SLC3A2: variants seen among roughly 807,000 people sequenced by gnomAD.
SLC3A2 encodes amino acid transporter heavy chain SLC3A2.
SLC3A2 carries 32 observed loss-of-function variants against 48.5 expected under a neutral mutation model. The ratio of observed to expected loss-of-function variants is 0.66; its 90% CI spans 0.50 to 0.89. The LOEUF is 0.89. Ranked by LOEUF, SLC3A2 falls within the 40% of genes least tolerant of loss-of-function variation. SLC3A2 has a pLI of 0.00. For synonymous variants in SLC3A2, 277 were observed against 288.8 expected, an observed-to-expected ratio of 0.96 and a Z score of 0.41; for missense variants, 587 against 680.7, an observed-to-expected ratio of 0.86 and a Z score of 1.53.
rs530651178 is a variant in SLC3A2, at chr11:62,881,905, G to T, written c.437G>T (p.Arg146Leu). 1 of 1,614,044 alleles carries T rather than the reference G, an allele frequency of 6.2e-7. No homozygotes were observed. Among genetic ancestry groups the T allele is most frequent in the East Asian group, 2.2e-5 (1 of 44,868 alleles). ...GAGNLAGLKG[R>L]LDYLSSLKVK... ...GCCCCCATTTCAGGTCTGAAGGGGC[G>T]TCTCGATTACCTGAGCTCTCTGAAG... Residue 146 changes from arginine (R) to leucine (L), a missense_variant, in exon 2 of 9, where the codon CGT (arginine) becomes CTT (leucine). By Grantham distance (102) the Arg-to-Leu change is moderately radical. Transcript: ENST00000338663. The surrounding 1 kb of genome is among the most constrained non-coding windows in gnomAD (Gnocchi z 4.0).
Position 62,881,900 on chromosome 11 carries a change from G to A in SLC3A2, c.432G>A (p.Lys144=). 1.2e-6 allele frequency: 2 copies of A among 1,614,016 alleles called. No individual in the cohort carries two copies. The highest frequency in any genetic ancestry group is 1.7e-6 in the Non-Finnish European group (2 of 1,179,972). The change falls in exon 2 of 9, where the codon AAG becomes AAA. Residue 144 remains lysine (K), a synonymous_variant. Transcript: ENST00000338663. The surrounding 1 kb of genome is among the most constrained non-coding windows in gnomAD (Gnocchi z 4.0). ...GHGAGNLAGL[K]GRLDYLSSLK... is the part of the protein sequence containing the mutation. ...ACCCAGCCCCCATTTCAGGTCTGAA[G>A]GGGCGTCTCGATTACCTGAGCTCTC...
intron 1 of SLC3A2, chr11:62,871,507 TG>T: frequency 2.0e-6 from 1 of 500,664 alleles, no homozygotes; most frequent in South Asian, 2.8e-5. Context: ...CCCAAAGTGC[TG>T]GGATTACAGG....
intron 5 of SLC3A2, 101 bp downstream of exon 5, chr11:62,884,791 T>G (rs551331896): frequency 1.3e-6 from 1 of 762,738 alleles, no homozygotes; most frequent in African/African-American, 1.8e-5. Context: ...GAGCATTTTC[T>G]TTACCTTTAT....
In SLC3A2 at chr11:62,858,641, GT is replaced by G. The variant is rs368935583; in HGVS notation, c.112+2262del. Among the ~76,000 whole-genome samples the G allele has an allele frequency of 3.0e-4, 46 of 152,230 alleles. No homozygotes were observed. The East Asian group carries it at 7.9e-3, about 26-fold the overall frequency. On this transcript the variant is annotated intron_variant, in intron 1 of 9. Transcript: ENST00000377889. Reference sequence around the variant, plus strand: ...AAATAAGGGGACCCGGGGAACCAGCGTTCAGCATATGGAGGATCCCGCCAGC... The same window carrying G: ...AAATAAGGGGACCCGGGGAACCAGCGTCAGCATATGGAGGATCCCGCCAGC...
chr11:62,882,291 G>T, intron 2 of SLC3A2: 1 of 538,876 alleles, frequency 1.9e-6, no homozygotes, highest in Non-Finnish European at 3.3e-6. Flanking sequence ...CTGGGCTTCA[G>T]TGCCCTTATT....
chr11:62,885,659 A>G (rs777756749), intron 7 of SLC3A2, 51 bp downstream of exon 7: 7 of 1,596,404 alleles, frequency 4.4e-6, no homozygotes, highest in Middle Eastern at 1.7e-4. Flanking sequence ...CCATCTTACA[A>G]TGATGATTCT....
intron 3 of SLC3A2, 86 bp from the exon 4 acceptor site, chr11:62,884,371 G>A: frequency 7.0e-7 from 1 of 1,419,404 alleles, no homozygotes; most frequent in South Asian, 1.2e-5. Flanking sequence ...GGAAGTGTGT[G>A]GTGGGTGAGG....
At position 62,881,693 on chromosome 11, in the gene SLC3A2, G is replaced by C; in HGVS notation, c.425-200G>C. On this transcript the variant is annotated intron_variant, in intron 1 of 8. Transcript: ENST00000338663. This position sits in a 1 kb window ranked among gnomAD's most constrained non-coding sequence, Gnocchi z 4.0. The stretch of plus-strand genomic sequence containing the variant: ...AGCGTCCTCCTTCCCCGCGGCGCCA[G>C]AAGCCAGTTGCAACCGGTTTCTGAA... 2.4e-6 allele frequency: 2 copies of C among 836,586 alleles called. No homozygotes were observed. The highest frequency in any genetic ancestry group is 3.7e-5 in the South Asian group (2 of 53,972). The allele number at this position is 836,586 out of a possible 1,614,324, so 51.8% of individuals were successfully genotyped here.
At position 62,888,436 on chromosome 11, in the gene SLC3A2, G is replaced by T. The variant is rs201002194; in HGVS notation, c.1333G>T (p.Ala445Ser). ...GCATGGGGACTTCCACGCGTTCTCC[G>T]CTGGGCCTGGACTCTTCTCCTATAT... The part of the protein sequence containing the change: ...LLHGDFHAFS[A>S]GPGLFSYIRH... The change falls in exon 9 of 9, where the codon GCT (alanine) becomes TCT (serine). Residue 445 changes from alanine to serine, a missense_variant. Ala to Ser is a moderately conservative substitution (Grantham distance 99). Transcript: ENST00000338663. 6.2e-7 allele frequency: 1 copy of T among 1,614,218 alleles called. No homozygotes were observed. Among genetic ancestry groups the T allele is most frequent in the Non-Finnish European group, 8.5e-7 (1 of 1,180,046 alleles).
chr11:62,876,957 G>T (rs1313963708), upstream of SLC3A2: 3 of 989,740 alleles, frequency 3.0e-6, no homozygotes, highest in Non-Finnish European at 3.6e-6. Flanking sequence ...TGCAGCAACA[G>T]GTTTATCTTG....
At chr11:62,857,089 C>T (rs563756985) in intron 1 of SLC3A2, among the ~76,000 whole-genome samples, 1 of 151,942 alleles carries the variant, frequency 6.6e-6, no homozygotes, top group Non-Finnish European at 1.5e-5. Flanking sequence ...TCCCAAAGTG[C>T]TGGGATTACA....
chr11:62,882,058 A>G lies in SLC3A2; in HGVS notation c.590A>G (p.Lys197Arg), dbSNP rs369040136. 4.3e-6 allele frequency: 7 copies of G among 1,614,138 alleles called. No homozygotes were observed. Among genetic ancestry groups the G allele is most frequent in the Non-Finnish European group, 5.9e-6 (7 of 1,180,014 alleles). Residue 197 changes from lysine (K) to arginine (R), a missense_variant, in exon 2 of 9, where the codon AAA becomes AGA. By Grantham distance (26) the Lys-to-Arg change is conservative. Transcript: ENST00000338663. ...EDFDSLLQSA[K>R]KKSIRVILDL... is the part of the protein sequence containing the mutation. ...TTTGACAGTCTCTTGCAATCGGCTA[A>G]AAAAAAGAGTGGGTATCCTGGGGTT...
chr11:62,887,691 C>G (rs937829023), intron 7 of SLC3A2, among the ~76,000 whole-genome samples: 51 of 136,354 alleles, frequency 3.7e-4, no homozygotes, highest in Non-Finnish European at 6.4e-4. Flanking sequence ...CAGAGCGAGA[C>G]TCCGTCTCAA....
intron 1 of SLC3A2, among the ~76,000 whole-genome samples, chr11:62,860,780 G>A (rs1475041364): frequency 2.0e-5 from 3 of 152,146 alleles, no homozygotes; most frequent in East Asian, 3.9e-4. Flanking sequence ...AGGTCCCTGC[G>A]GCCTTCCGCA....
At chr11:62,864,837 C>T (rs994759780) in intron 1 of SLC3A2, among the ~76,000 whole-genome samples, 2 of 151,684 alleles carry the variant, frequency 1.3e-5, no homozygotes, top group African/African-American at 2.4e-5. Flanking sequence ...GGTGCAATCT[C>T]GGCTCACTGC....
rs760487618 is a variant in SLC3A2 at position 62,888,558 on chromosome 11, C to G, written c.1455C>G (p.Ser485Arg). Residue 485 changes from serine (S) to arginine (R), a missense_variant, in exon 9 of 9, where the codon AGC becomes AGG. By Grantham distance (110) the Ser-to-Arg change is moderately radical. This residue lies in a region of SLC3A2 where 169 missense variants were observed against 204.4 expected (regional missense o/e 0.83). Transcript: ENST00000338663. ...TGCAGGCCTCCGACCTGCCTGCCAGCGCCAGCCTGCCAGCCAAGGCTGACC... is the reference window on the plus strand; with the variant it reads ...TGCAGGCCTCCGACCTGCCTGCCAGGGCCAGCCTGCCAGCCAAGGCTGACC... Reference protein sequence around the residue: ...AGLQASDLPASASLPAKADLL... With the variant: ...AGLQASDLPARASLPAKADLL... 1.7e-5 allele frequency: 28 copies of G among 1,614,038 alleles called. No individual in the cohort carries two copies. In the African/African-American group the frequency reaches 3.6e-4, roughly 21 times the overall value.
At chr11:62,858,886 A>G (rs1230262774) in intron 1 of SLC3A2, among the ~76,000 whole-genome samples, 1 of 152,118 alleles carries the variant, frequency 6.6e-6, no homozygotes, top group Non-Finnish European at 1.5e-5. Flanking sequence ...CTGCCCGCAG[A>G]TCCCACCTCC....
At chr11:62,882,842 G>A (rs1012936111) in intron 2 of SLC3A2, 66 bp from the exon 3 acceptor site, 4 of 1,328,734 alleles carry the variant, frequency 3.0e-6, no homozygotes, top group Middle Eastern at 1.8e-4. Flanking sequence ...ACTTGCATTT[G>A]TGATTTCCTT....
Position 62,871,534 on chromosome 11 carries a change from C to G in SLC3A2, c.113-9485C>G, listed in dbSNP as rs771495896. The G allele has an allele frequency of 8.3e-6, 5 of 599,740 alleles. No homozygotes were observed. In the South Asian group the frequency reaches 9.4e-5, roughly 11 times the overall value. 37.2% of individuals were successfully genotyped at this position (599,740 alleles called of 1,614,324 possible). ...GGATTACAGGCGTGAGCCACTGTGC[C>G]CAACCATACTTTATATAATATTATT... is the stretch of plus-strand genomic sequence containing the variant. On this transcript the variant is annotated intron_variant, in intron 1 of 9. Coordinates refer to the SLC3A2 transcript ENST00000377889.
Sources: gnomAD v4.1 joint callset for allele counts (sites outside exome capture counted in the v4.1 genomes callset) on GRCh38, gnomAD v4.1.1 for gene constraint, gnomAD v4.1.1 regional missense constraint, Gnocchi (gnomAD v3.1) non-coding constraint, MANE v1.5 for transcripts, NCBI Gene and HGNC (gene_info 2026-07-23, HGNC 2026-07-21) for gene names.